Variants in CPED1 observed in about 807,000 individuals in gnomAD.
CPED1 encodes cadherin like and PC-esterase domain containing 1.
CPED1 carries 114 observed loss-of-function variants against 128.2 expected under a neutral mutation model. The ratio of observed to expected loss-of-function variants is 0.89; its 90% CI spans 0.76 to 1.04. The LOEUF is 1.04. Ranked by LOEUF, CPED1 falls within the 50% of genes least tolerant of loss-of-function variation. The pLI is 0.00. For missense variants in CPED1, 1,211 were observed against 1,207.1 expected, an observed-to-expected ratio of 1.00 and a Z score of -0.05; for synonymous variants, 462 against 426.7, an observed-to-expected ratio of 1.08 and a Z score of -1.02.
intron 2 of CPED1, among the ~76,000 whole-genome samples, chr7:120,998,310 C>T (rs1468779016): frequency 6.6e-6 from 1 of 152,216 alleles, no homozygotes; most frequent in Non-Finnish European, 1.5e-5. Flanking sequence ...AGTACATGAA[C>T]ACTGCATTCA....
chr7:121,282,840 T>C (rs1216331526), intron 22 of CPED1, among the ~76,000 whole-genome samples: 1 of 152,230 alleles, frequency 6.6e-6, no homozygotes, highest in Non-Finnish European at 1.5e-5. Context: ...ATCTTAGTCA[T>C]GTGTCTTTAT....
At chr7:121,277,033 A>G (rs12164093) in intron 22 of CPED1, among the ~76,000 whole-genome samples, 24,065 of 152,036 alleles carry the variant, frequency 0.16, 2,266 homozygotes, top group Admixed American at 0.22. Flanking sequence ...AAGTCAGGTG[A>G]GAGATTGTAA....
At chr7:121,126,004 G>T in intron 9 of CPED1, 112 bp downstream of exon 9, 3 of 759,986 alleles carry the variant, frequency 3.9e-6, no homozygotes, top group Non-Finnish European at 6.8e-6. Context: ...ATAGCAATTT[G>T]CAAAAGTACT....
intron 5 of CPED1, among the ~76,000 whole-genome samples, chr7:121,070,431 A>T (rs1265629373): frequency 6.6e-6 from 1 of 151,952 alleles, no homozygotes; most frequent in Non-Finnish European, 1.5e-5. Flanking sequence ...CCCAAACATG[A>T]TTATATTCCT....
At chr7:121,069,964 C>G (rs997615376) in intron 5 of CPED1, among the ~76,000 whole-genome samples, 6 of 151,970 alleles carry the variant, frequency 3.9e-5, no homozygotes, top group African/African-American at 1.2e-4. Context: ...TGAGCACTGA[C>G]CTTCATGTGA....
intron 4 of CPED1, among the ~76,000 whole-genome samples, chr7:121,056,156 T>C (rs995647106): frequency 2.0e-5 from 3 of 152,170 alleles, no homozygotes; most frequent in Non-Finnish European, 4.4e-5. Context: ...AATTGTGTTT[T>C]TTAATATGTG....
intron 16 of CPED1, among the ~76,000 whole-genome samples, chr7:121,218,419 T>A (rs1171214264): frequency 1.3e-5 from 2 of 152,020 alleles, no homozygotes; most frequent in Non-Finnish European, 2.9e-5. Context: ...CCCCACAAGT[T>A]ACATCTTTAA....
intron 16 of CPED1, among the ~76,000 whole-genome samples, chr7:121,160,784 G>A (rs1321997387): frequency 2.0e-5 from 3 of 152,074 alleles, no homozygotes; most frequent in African/African-American, 4.8e-5. Flanking sequence ...ATGGGGTTTT[G>A]TATGTAGGCT....
intron 16 of CPED1, among the ~76,000 whole-genome samples, chr7:121,146,412 T>C (rs1796026028): frequency 6.6e-6 from 1 of 152,112 alleles, no homozygotes; most frequent in Non-Finnish European, 1.5e-5. Context: ...CACATGAATT[T>C]TGGGGACATT....
At chr7:121,255,778 G>C (rs546491759) in intron 18 of CPED1, among the ~76,000 whole-genome samples, 1 of 152,050 alleles carries the variant, frequency 6.6e-6, no homozygotes, top group African/African-American at 2.4e-5. Flanking sequence ...TCCAGGCTGA[G>C]AGTCAAATCA....
chr7:121,162,594 T>A (rs1796436533), intron 16 of CPED1, among the ~76,000 whole-genome samples: 1 of 152,216 alleles, frequency 6.6e-6, no homozygotes, highest in African/African-American at 2.4e-5. Flanking sequence ...TGATTTGTTT[T>A]TTAAAATAAA....
intron 17 of CPED1, among the ~76,000 whole-genome samples, chr7:121,240,566 T>C (rs1798366879): frequency 6.6e-6 from 1 of 152,006 alleles, no homozygotes; most frequent in Non-Finnish European, 1.5e-5. Context: ...GTTTGTGAGT[T>C]TTCCTATAAG....
At chr7:121,034,247 C>CTT (rs3067998) in intron 3 of CPED1, among the ~76,000 whole-genome samples, 28,802 of 113,932 alleles carry the variant, frequency 0.25, 4,718 homozygotes, top group Admixed American at 0.31. Context: ...GTTTTTTTTT[C>CTT]TTTTTTTTTT....
intron 7 of CPED1, among the ~76,000 whole-genome samples, chr7:121,101,029 A>G (rs1187119656): frequency 1.3e-5 from 2 of 152,122 alleles, no homozygotes; most frequent in African/African-American, 4.8e-5. Context: ...TACATTCTTT[A>G]CCTATATAAC....
intron 7 of CPED1, among the ~76,000 whole-genome samples, chr7:121,113,042 T>G (rs976211084): frequency 5.9e-5 from 9 of 151,774 alleles, no homozygotes; most frequent in African/African-American, 9.7e-5. Context: ...CTTCATTAAG[T>G]AAGGTATAGA....
chr7:121,076,833 G>A (rs1427790635), intron 5 of CPED1, among the ~76,000 whole-genome samples: 4 of 152,046 alleles, frequency 2.6e-5, no homozygotes, highest in Admixed American at 6.6e-5. Context: ...AAAAGTGAGG[G>A]TGTATGATAT....
intron 2 of CPED1, among the ~76,000 whole-genome samples, chr7:121,009,606 C>CAA (rs372071345): frequency 0.014 from 1,270 of 90,232 alleles, 28 homozygotes; most frequent in African/African-American, 0.032. Context: ...GCCCCTGTCT[C>CAA]AAAAAAAAAA....
At chr7:121,080,971 A>G (rs17536644) in intron 5 of CPED1, among the ~76,000 whole-genome samples, 65,804 of 152,018 alleles carry the variant, frequency 0.43, 15,442 homozygotes, top group East Asian at 0.8. Context: ...GATTTGCAAC[A>G]TATCATCAAT....
intron 16 of CPED1, among the ~76,000 whole-genome samples, chr7:121,177,923 G>A (rs1477409901): frequency 6.6e-6 from 1 of 152,068 alleles, no homozygotes; most frequent in African/African-American, 2.4e-5. Flanking sequence ...TTCCCTACAG[G>A]AAAGGATTCT....
Sources: gnomAD v4.1 joint callset for allele counts (sites outside exome capture counted in the v4.1 genomes callset) on GRCh38, gnomAD v4.1.1 for gene constraint, MANE v1.5 for transcripts, NCBI Gene and HGNC (gene_info 2026-07-23, HGNC 2026-07-21) for gene names.